Variants in GALNTL6 observed in about 807,000 individuals in gnomAD.
GALNTL6 encodes the protein polypeptide N-acetylgalactosaminyltransferase-like 6.
Under a neutral mutation model 73.7 loss-of-function variants are expected in GALNTL6, and 46 were observed. That is an observed-to-expected ratio of 0.62 (90% confidence interval 0.49 to 0.80). The LOEUF is 0.80. Ranked by LOEUF, GALNTL6 falls within the 30% of genes least tolerant of loss-of-function variation. GALNTL6 has a pLI of 0.00. For missense variants in GALNTL6, 604 were observed against 755.0 expected (o/e 0.80, Z 2.34); for synonymous variants, 259 against 263.7 (o/e 0.98, Z 0.17).
chr4:172,852,948 A>G lies in GALNTL6; in HGVS notation c.924-29842A>G, dbSNP rs1743915396. ...ACTAGAGGAGGGAGAAAAAATTAAC[A>G]CTTATTGAACAATTACTTTAGGTTA... is the stretch of plus-strand genomic sequence containing the variant. On this transcript the variant is annotated intron_variant, in intron 7 of 12. Transcript: ENST00000506823. Among the ~76,000 whole-genome samples the G allele has an allele frequency of 2.6e-5, 4 of 152,186 alleles. No homozygotes were observed. The South Asian group carries it at 8.3e-4, about 31-fold the overall frequency.
chr4:172,165,686 T>C (rs1005354791), intron 2 of GALNTL6, among the ~76,000 whole-genome samples: 3 of 152,140 alleles, frequency 2.0e-5, no homozygotes, highest in African/African-American at 7.2e-5. Flanking sequence ...TACTAATGTA[T>C]AAAAGAAAAA....
At chr4:172,753,684 A>C (rs1737564750) in intron 5 of GALNTL6, among the ~76,000 whole-genome samples, 1 of 152,226 alleles carries the variant, frequency 6.6e-6, no homozygotes, top group South Asian at 2.1e-4. Flanking sequence ...TTAAAATTGG[A>C]TCTATCATAG....
chr4:172,587,769 G>C (rs1194755972), intron 5 of GALNTL6, among the ~76,000 whole-genome samples: 1 of 152,108 alleles, frequency 6.6e-6, no homozygotes, highest in Admixed American at 6.5e-5. Context: ...CTAGACTAGT[G>C]TGTGTGTCTG....
intron 2 of GALNTL6, among the ~76,000 whole-genome samples, chr4:172,049,981 T>C (rs1391194341): frequency 7.5e-6 from 1 of 133,772 alleles, no homozygotes; most frequent in Admixed American, 8.3e-5. Flanking sequence ...CAAAACTCTG[T>C]CTAAAAAGAA....
At chr4:172,293,694 A>G (rs1432489690) in intron 3 of GALNTL6, among the ~76,000 whole-genome samples, 1 of 151,748 alleles carries the variant, frequency 6.6e-6, no homozygotes, top group East Asian at 1.9e-4. Flanking sequence ...ACAGGATATA[A>G]AATATTAGCA....
At chr4:172,157,603 A>G (rs1734326341) in intron 2 of GALNTL6, among the ~76,000 whole-genome samples, 1 of 152,094 alleles carries the variant, frequency 6.6e-6, no homozygotes, top group South Asian at 2.1e-4. Context: ...CCTGTAATCA[A>G]TTGCAGAGAG....
intron 2 of GALNTL6, among the ~76,000 whole-genome samples, chr4:171,893,511 G>T (rs1736819433): frequency 6.6e-6 from 1 of 152,026 alleles, no homozygotes; most frequent in Admixed American, 6.6e-5. Flanking sequence ...ATACAATTAG[G>T]TTAATTTTTT....
intron 10 of GALNTL6, among the ~76,000 whole-genome samples, chr4:172,954,455 G>A (rs923630307): frequency 3.9e-5 from 6 of 152,138 alleles, no homozygotes; most frequent in South Asian, 2.1e-4. Context: ...ACAATGAGAC[G>A]TTGAGAAGAT....
At chr4:172,176,146 TGGCTAACAC>T (rs1326203233) in intron 2 of GALNTL6, among the ~76,000 whole-genome samples, 1 of 151,666 alleles carries the variant, frequency 6.6e-6, no homozygotes. Flanking sequence ...GAGACCATCC[TGGCTAACAC>T]GGTGAAACCC....
intron 2 of GALNTL6, among the ~76,000 whole-genome samples, chr4:171,987,972 C>A (rs1740157872): frequency 6.6e-6 from 1 of 152,088 alleles, no homozygotes; most frequent in African/African-American, 2.4e-5. Context: ...GTGAGTACAG[C>A]TGAAGGAGCC....
At position 172,981,728 on chromosome 4, in the gene GALNTL6, T is replaced by TA. The variant is rs140657471; in HGVS notation, c.1372-27443dup. Reference sequence around the variant, plus strand: ...TTTAAGGATAAATTTTTATATTTCTTAAAAAAACATTGAGATATTGATAGG... The same window carrying TA: ...TTTAAGGATAAATTTTTATATTTCTTAAAAAAAACATTGAGATATTGATAGG... On this transcript the variant is annotated intron_variant, in intron 10 of 12. Coordinates refer to ENST00000506823, the MANE Select transcript of GALNTL6 (RefSeq NM_001034845.3). 8.6e-4 allele frequency among the ~76,000 whole-genome samples: 130 copies of TA among 151,874 alleles called. No individual in the cohort carries two copies. In the East Asian group the frequency reaches 0.021, roughly 25 times the overall value.
chr4:171,830,509 A>G (rs1734938344), intron 2 of GALNTL6, among the ~76,000 whole-genome samples: 2 of 152,188 alleles, frequency 1.3e-5, no homozygotes, highest in African/African-American at 4.8e-5. Context: ...ATACAAAAAA[A>G]TAAGAGTATA....
rs528926337 is a variant in GALNTL6 at position 171,847,605 on chromosome 4, G to A, written c.138+32887G>A. On this transcript the variant is annotated intron_variant, in intron 2 of 12. Transcript: ENST00000506823. Reference sequence around the variant, plus strand: ...AGAGGGGTTAATTTTCTCAAACCCCGACACTGCTTTATCAACTAAGTTTAT... The same window carrying A: ...AGAGGGGTTAATTTTCTCAAACCCCAACACTGCTTTATCAACTAAGTTTAT... Among the ~76,000 whole-genome samples the A allele has an allele frequency of 9.9e-5, 15 of 152,182 alleles. No homozygotes were observed. In the South Asian group the frequency reaches 1.2e-3, roughly 13 times the overall value.
chr4:171,855,739 T>C (rs572599809), intron 2 of GALNTL6, among the ~76,000 whole-genome samples: 18 of 152,270 alleles, frequency 1.2e-4, no homozygotes, highest in African/African-American at 4.3e-4. Context: ...TGACTGGGAG[T>C]TCCTGTTACT....
At chr4:172,156,566 T>TATATATATATAC (rs1491429510) in intron 2 of GALNTL6, among the ~76,000 whole-genome samples, 13 of 102,040 alleles carry the variant, frequency 1.3e-4, no homozygotes, top group Middle Eastern at 5.1e-3. Flanking sequence ...TATATATATA[T>TATATATATATAC]ACATACTATA....
At chr4:172,063,868 A>C (rs1037739871) in intron 2 of GALNTL6, among the ~76,000 whole-genome samples, 1 of 152,196 alleles carries the variant, frequency 6.6e-6, no homozygotes, top group Non-Finnish European at 1.5e-5. Context: ...GAAAAAAATA[A>C]ACTCCCTTAT....
chr4:172,253,140 A>G (rs1054459177), intron 3 of GALNTL6, among the ~76,000 whole-genome samples: 1 of 151,944 alleles, frequency 6.6e-6, no homozygotes, highest in Non-Finnish European at 1.5e-5. Flanking sequence ...ATTACATGTA[A>G]TCAGAATAAA....
intron 2 of GALNTL6, among the ~76,000 whole-genome samples, chr4:171,905,405 T>A (rs893045711): frequency 6.6e-6 from 1 of 152,092 alleles, no homozygotes; most frequent in Non-Finnish European, 1.5e-5. Context: ...AAGGCCATTA[T>A]ATAATGGTAA....
intron 2 of GALNTL6, among the ~76,000 whole-genome samples, chr4:172,224,188 T>C (rs1433307120): frequency 6.6e-6 from 1 of 152,200 alleles, no homozygotes; most frequent in Non-Finnish European, 1.5e-5. Context: ...TTTCACATAC[T>C]TTATCATATA....
Sources: gnomAD v4.1 joint callset for allele counts (sites outside exome capture counted in the v4.1 genomes callset) on GRCh38, gnomAD v4.1.1 for gene constraint, MANE v1.5 for transcripts, NCBI Gene and HGNC (gene_info 2026-07-23, HGNC 2026-07-21) for gene names.